Variants in ITGBL1 observed in about 807,000 individuals in gnomAD.
ITGBL1 encodes integrin subunit beta like 1.
ITGBL1 carries 51 observed loss-of-function variants against 68.5 expected under a neutral mutation model. The ratio of observed to expected loss-of-function variants is 0.74; its 90% CI spans 0.59 to 0.94. ITGBL1 has a LOEUF of 0.94. Among genes scored for constraint, ITGBL1 ranks in the 40% least tolerant of loss-of-function variants. The probability of loss-of-function intolerance (pLI) is 0.00; values close to 1 mark genes in which losing one functional copy is unlikely to be tolerated. For missense variants in ITGBL1, 649 were observed against 647.4 expected (o/e 1.00, Z -0.03); for synonymous variants, 209 against 227.3 (o/e 0.92, Z 0.72).
chr13:101,496,525 A>G (rs1566701784), intron 2 of ITGBL1, among the ~76,000 whole-genome samples: 1 of 152,194 alleles, frequency 6.6e-6, no homozygotes, highest in Non-Finnish European at 1.5e-5. Flanking sequence ...AATGACTGTA[A>G]TTAGCTTTAC....
intron 7 of ITGBL1, among the ~76,000 whole-genome samples, chr13:101,636,434 C>T (rs915449981): frequency 6.6e-6 from 1 of 152,074 alleles, no homozygotes; most frequent in Non-Finnish European, 1.5e-5. Context: ...CAAGGGCTAA[C>T]AGGAGGAATT....
At chr13:101,648,648 T>A (rs1293594396) in intron 7 of ITGBL1, among the ~76,000 whole-genome samples, 1 of 152,136 alleles carries the variant, frequency 6.6e-6, no homozygotes, top group Non-Finnish European at 1.5e-5. Context: ...AAGTAATTTC[T>A]GGAAAACCAT....
intron 3 of ITGBL1, among the ~76,000 whole-genome samples, chr13:101,568,728 T>C (rs2050221522): frequency 6.6e-6 from 1 of 152,096 alleles, no homozygotes; most frequent in African/African-American, 2.4e-5. Flanking sequence ...CCTTTCTTCC[T>C]GAAGCTCACA....
chr13:101,688,197 G>A (rs1350261898), intron 7 of ITGBL1, among the ~76,000 whole-genome samples: 4 of 152,116 alleles, frequency 2.6e-5, no homozygotes, highest in South Asian at 4.1e-4. Flanking sequence ...AAATCTCACC[G>A]TTAGTCTGGA....
At position 101,462,293 on chromosome 13, in the gene ITGBL1, C is replaced by A. The variant is rs138944743; in HGVS notation, c.316+8193C>A. 1.4e-3 allele frequency among the ~76,000 whole-genome samples: 220 copies of A among 152,270 alleles called. 1 individual carries two copies. The highest frequency in any genetic ancestry group is 5.1e-3 in the African/African-American group (211 of 41,540). ...GATAATCCAGGATAAGCTTCCCATC[C>A]AAGACTCATAAACTTCATCACATCA... is the stretch of plus-strand genomic sequence containing the variant. On this transcript the variant is annotated intron_variant, in intron 2 of 10. Transcript: ENST00000376180.
intron 7 of ITGBL1, among the ~76,000 whole-genome samples, chr13:101,664,485 T>C (rs975695053): frequency 2.6e-5 from 4 of 152,174 alleles, no homozygotes; most frequent in African/African-American, 9.6e-5. Context: ...TTTTTAAATA[T>C]TGTTTAATTA....
intron 2 of ITGBL1, among the ~76,000 whole-genome samples, chr13:101,521,988 TG>T (rs2049293336): frequency 5.3e-5 from 8 of 151,786 alleles, no homozygotes; most frequent in Admixed American, 5.3e-4. Flanking sequence ...GACGGCAACA[TG>T]GTCTTTATGC....
intron 2 of ITGBL1, among the ~76,000 whole-genome samples, chr13:101,474,236 G>C (rs9557661): frequency 0.14 from 21,601 of 151,956 alleles, 2,033 homozygotes; most frequent in East Asian, 0.43. Context: ...TGAAGGGAGA[G>C]ACCAAGGCCT....
chr13:101,529,760 C>A (rs940802621), intron 2 of ITGBL1, among the ~76,000 whole-genome samples: 1 of 152,142 alleles, frequency 6.6e-6, no homozygotes, highest in Non-Finnish European at 1.5e-5. Context: ...TTTTCTCCTG[C>A]CGCCATAAAA....
chr13:101,464,277 C>T (rs1057277036), intron 2 of ITGBL1, among the ~76,000 whole-genome samples: 6 of 152,096 alleles, frequency 3.9e-5, no homozygotes, highest in Non-Finnish European at 8.8e-5. Context: ...CTTCTCATCA[C>T]ATTTCTGTTT....
At chr13:101,556,338 A>G (rs897682439) in intron 2 of ITGBL1, among the ~76,000 whole-genome samples, 2 of 152,204 alleles carry the variant, frequency 1.3e-5, no homozygotes, top group South Asian at 2.1e-4. Flanking sequence ...TGGTATCCTT[A>G]TAAGAAGAAG....
chr13:101,684,683 A>C (rs1053397613), intron 7 of ITGBL1, among the ~76,000 whole-genome samples: 2 of 151,828 alleles, frequency 1.3e-5, no homozygotes, highest in Non-Finnish European at 2.9e-5. Context: ...TCTTTATGTC[A>C]TCTTTTTATC....
intron 7 of ITGBL1, among the ~76,000 whole-genome samples, chr13:101,657,425 T>C (rs1014131325): frequency 6.6e-6 from 1 of 152,206 alleles, no homozygotes; most frequent in East Asian, 1.9e-4. Flanking sequence ...GAGTATAAAA[T>C]TCCACTTGAC....
intron 7 of ITGBL1, among the ~76,000 whole-genome samples, chr13:101,690,157 A>G (rs2033851427): frequency 2.0e-5 from 3 of 152,222 alleles, no homozygotes; most frequent in Admixed American, 2.0e-4. Flanking sequence ...TTAAAAAGAT[A>G]TGTGAATTGT....
chr13:101,510,521 G>A (rs1306956456), intron 2 of ITGBL1, among the ~76,000 whole-genome samples: 1 of 152,012 alleles, frequency 6.6e-6, no homozygotes, highest in Admixed American at 6.6e-5. Flanking sequence ...CCTAGTAATG[G>A]GATTGCTAGG....
chr13:101,620,393 A>T (rs2139385882), intron 7 of ITGBL1, among the ~76,000 whole-genome samples: 1 of 152,322 alleles, frequency 6.6e-6, no homozygotes, highest in East Asian at 1.9e-4. Flanking sequence ...ATGTAATTAT[A>T]ATTTTACACA....
intron 7 of ITGBL1, among the ~76,000 whole-genome samples, chr13:101,621,087 AT>A (rs2031561736): frequency 6.6e-6 from 1 of 152,192 alleles, no homozygotes; most frequent in Non-Finnish European, 1.5e-5. Context: ...TGGGTTTATC[AT>A]GGTCTCCCAA....
intron 6 of ITGBL1, among the ~76,000 whole-genome samples, chr13:101,596,120 A>G (rs537076708): frequency 3.9e-5 from 6 of 152,110 alleles, no homozygotes; most frequent in Non-Finnish European, 5.9e-5. Context: ...TAAGAAGGAA[A>G]TCCTTTCATT....
rs539236222 is a variant in ITGBL1, at chr13:101,664,765, ACT to A, written c.1016-27817_1016-27816del. On this transcript the variant is annotated intron_variant, in intron 7 of 10. Coordinates refer to ENST00000376180, the MANE Select transcript of ITGBL1 (RefSeq NM_004791.3). ...GTTGGTTTTTGTGAGATGAAATCTC[ACT>A]CTGTTGCCCAGGCTGGAGTGCAATG... Among the ~76,000 whole-genome samples, 36 of 152,050 alleles carry A rather than the reference ACT, an allele frequency of 2.4e-4. 1 individual carries two copies. In the South Asian group the frequency reaches 7.3e-3, roughly 31 times the overall value.
Sources: allele counts gnomAD v4.1 joint callset (sites outside exome capture counted in the v4.1 genomes callset), GRCh38; gene constraint gnomAD v4.1.1; transcripts MANE v1.5; gene names NCBI Gene and HGNC (gene_info 2026-07-23, HGNC 2026-07-21).